Variants in ZRANB3 observed in about 807,000 individuals in gnomAD.
The protein encoded by ZRANB3 is zinc finger RANBP2-type containing 3.
In ZRANB3, 125 loss-of-function variants were observed where a neutral mutation model predicts 133.8. The ratio of observed to expected loss-of-function variants is 0.93; its 90% confidence interval spans 0.81 to 1.08. ZRANB3 has a LOEUF of 1.08. Among genes scored for constraint, ZRANB3 ranks in the 50% least tolerant of loss-of-function variants. ZRANB3 has a pLI of 0.00. For synonymous variants in ZRANB3, 387 were observed against 432.7 expected, an observed-to-expected ratio of 0.89 and a Z score of 1.31; for missense variants, 1,229 against 1,275.5, an observed-to-expected ratio of 0.96 and a Z score of 0.56.
chr2:135,461,428 G>T (rs528942586), intron 2 of ZRANB3, among the ~76,000 whole-genome samples: 3 of 152,144 alleles, frequency 2.0e-5, no homozygotes, highest in Admixed American at 2.0e-4. Context: ...AAAATTAGCC[G>T]GTCTTGGCGA....
intron 15 of ZRANB3, among the ~76,000 whole-genome samples, chr2:135,220,208 G>C (rs902476040): frequency 6.6e-6 from 1 of 151,776 alleles, no homozygotes. Context: ...CCCAGCCCCT[G>C]AAATCTTAAG....
At chr2:135,265,267 C>G (rs1287213303) in intron 12 of ZRANB3, among the ~76,000 whole-genome samples, 1 of 152,056 alleles carries the variant, frequency 6.6e-6, no homozygotes, top group African/African-American at 2.4e-5. Context: ...ATACCTTTCC[C>G]TATTCTCAGT....
chr2:135,387,154 T>C (rs1217113263), intron 3 of ZRANB3, among the ~76,000 whole-genome samples: 1 of 147,690 alleles, frequency 6.8e-6, no homozygotes, highest in African/African-American at 2.5e-5. Flanking sequence ...CAAGAGTTTA[T>C]AAAAAAAAAA....
At chr2:135,399,662 T>C (rs538279573) in intron 2 of ZRANB3, among the ~76,000 whole-genome samples, 25 of 152,330 alleles carry the variant, frequency 1.6e-4, no homozygotes, top group Non-Finnish European at 3.4e-4. Flanking sequence ...ACTAAAAATA[T>C]TTAGTATTGC....
At chr2:135,487,419 T>C (rs1238310138) in intron 2 of ZRANB3, among the ~76,000 whole-genome samples, 1 of 152,202 alleles carries the variant, frequency 6.6e-6, no homozygotes, top group Non-Finnish European at 1.5e-5. Flanking sequence ...AAAACCTATC[T>C]TTTGAAGTTT....
chr2:135,234,500 A>G (rs1213127508), intron 12 of ZRANB3, among the ~76,000 whole-genome samples: 1 of 152,100 alleles, frequency 6.6e-6, no homozygotes, highest in East Asian at 1.9e-4. Flanking sequence ...CATTGTTTTC[A>G]GCACCACACC....
chr2:135,361,037 C>G (rs920120849), intron 3 of ZRANB3, among the ~76,000 whole-genome samples: 1 of 152,162 alleles, frequency 6.6e-6, no homozygotes, highest in Non-Finnish European at 1.5e-5. Flanking sequence ...GCCTTGGCCT[C>G]CCAAAGTGCT....
At chr2:135,304,961 C>A (rs1460201019) in intron 8 of ZRANB3, among the ~76,000 whole-genome samples, 6 of 151,974 alleles carry the variant, frequency 3.9e-5, no homozygotes, top group African/African-American at 1.2e-4. Flanking sequence ...TCGTTCAAAA[C>A]AATCAGTTTC....
chr2:135,495,407 G>A (rs1692620213), intron 2 of ZRANB3, among the ~76,000 whole-genome samples: 1 of 152,028 alleles, frequency 6.6e-6, no homozygotes, highest in African/African-American at 2.4e-5. Context: ...GTAAAAGAAT[G>A]GCTACTCCAT....
intron 2 of ZRANB3, among the ~76,000 whole-genome samples, chr2:135,481,850 C>G (rs1691831466): frequency 6.6e-6 from 1 of 150,560 alleles, no homozygotes; most frequent in African/African-American, 2.5e-5. Context: ...CTAGTTTTCC[C>G]AGCACCATTT....
intron 6 of ZRANB3, among the ~76,000 whole-genome samples, chr2:135,322,514 G>A (rs909190553): frequency 2.6e-5 from 4 of 151,948 alleles, no homozygotes; most frequent in Admixed American, 6.6e-5. Context: ...CCAGGAGTTC[G>A]AGACCAGCCT....
intron 2 of ZRANB3, among the ~76,000 whole-genome samples, chr2:135,490,349 T>C (rs1443153078): frequency 6.6e-6 from 1 of 151,962 alleles, no homozygotes; most frequent in Non-Finnish European, 1.5e-5. Flanking sequence ...ACAAAAGATC[T>C]CAACAGACAA....
intron 2 of ZRANB3, among the ~76,000 whole-genome samples, chr2:135,395,733 C>A (rs1015497297): frequency 3.3e-5 from 5 of 152,126 alleles, no homozygotes; most frequent in African/African-American, 7.2e-5. Context: ...GCTGGGATTA[C>A]AGGGGTGAAC....
chr2:135,230,759 C>G lies in ZRANB3; in HGVS notation c.1708G>C (p.Asp570His), dbSNP rs749351816. The G allele has an allele frequency of 6.9e-5, 111 of 1,613,682 alleles. No individual in the cohort carries two copies. Among genetic ancestry groups the G allele is most frequent in the Non-Finnish European group, 8.9e-5 (105 of 1,179,860 alleles). ...AARDIIDYES[D>H]VEPETKRLKL... ...AATCTTTTCGTTTCAGGTTCAACAT[C>G]ACTTTCATAATCGATGATATCTCTT... The change falls in exon 13 of 21, where the codon GAT becomes CAT. Residue 570 changes from aspartate (D) to histidine (H), a missense_variant. Transcript: ENST00000264159.
At chr2:135,207,194 T>TAAATAAAAAAA (rs1558828184) in intron 19 of ZRANB3, among the ~76,000 whole-genome samples, 1 of 141,034 alleles carries the variant, frequency 7.1e-6, no homozygotes, top group African/African-American at 2.9e-5. Flanking sequence ...AAATAAATAA[T>TAAATAAAAAAA]AAATAAATAA....
At chr2:135,299,220 G>A (rs1211680802) in intron 8 of ZRANB3, among the ~76,000 whole-genome samples, 1 of 152,052 alleles carries the variant, frequency 6.6e-6, no homozygotes, top group Non-Finnish European at 1.5e-5. Context: ...CAGGCTAATG[G>A]ACTTATGTTC....
intron 6 of ZRANB3, among the ~76,000 whole-genome samples, chr2:135,318,760 G>A (rs1307275039): frequency 1.3e-5 from 2 of 151,928 alleles, no homozygotes; most frequent in Non-Finnish European, 2.9e-5. Context: ...TAATGCTTTT[G>A]TAATTAAAAT....
At chr2:135,390,701 A>G in intron 3 of ZRANB3, 101 bp downstream of exon 3, 3 of 1,490,258 alleles carry the variant, frequency 2.0e-6, no homozygotes, top group South Asian at 2.6e-5. Flanking sequence ...CCCCATATAC[A>G]GACATATAGT....
chr2:135,230,470 C>T (rs1383959768), intron 13 of ZRANB3, 43 bp downstream of exon 13: 6 of 1,440,084 alleles, frequency 4.2e-6, no homozygotes, highest in Non-Finnish European at 5.5e-6. Context: ...CTGAAGACAC[C>T]ACTAACAGCC....
Sources: allele counts gnomAD v4.1 joint callset (sites outside exome capture counted in the v4.1 genomes callset), GRCh38; gene constraint gnomAD v4.1.1; transcripts MANE v1.5; gene names NCBI Gene and HGNC (gene_info 2026-07-23, HGNC 2026-07-21).